The following TNKS variants were observed in gnomAD, a reference collection of about 807,000 sequenced individuals.
The protein encoded by TNKS is poly [ADP-ribose] polymerase tankyrase-1.
Under a neutral mutation model 135.8 loss-of-function variants are expected in TNKS, and 72 were observed. The observed-to-expected ratio is 0.53, with a 90% confidence interval of 0.44 to 0.64. TNKS has a LOEUF of 0.64. Ranked by LOEUF, TNKS falls within the 30% of genes least tolerant of loss-of-function variation. The probability of loss-of-function intolerance (pLI) is 0.00; values close to 1 mark genes in which losing one functional copy is unlikely to be tolerated. For missense variants in TNKS, 1,769 were observed against 1,674.0 expected, an observed-to-expected ratio of 1.06 and a Z score of -0.99; for synonymous variants, 849 against 649.3, an observed-to-expected ratio of 1.31 and a Z score of -4.68.
rs370482484 is a variant in TNKS at position 9,564,536 on chromosome 8, C to G, written c.673+7924C>G. Among the ~76,000 whole-genome samples, 7 of 152,200 alleles carry G rather than the reference C, an allele frequency of 4.6e-5. No homozygotes were observed. The East Asian group carries it at 7.7e-4, about 17-fold the overall frequency. Reference sequence around the variant, plus strand: ...GGAGAAAACACTATAGTAGTTTAGTCTTTAATATTTTTAACAGCCTCCTTT... The same window carrying G: ...GGAGAAAACACTATAGTAGTTTAGTGTTTAATATTTTTAACAGCCTCCTTT... On this transcript the variant is annotated intron_variant, in intron 1 of 26. Transcript: ENST00000310430.
intron 1 of TNKS, among the ~76,000 whole-genome samples, chr8:9,573,282 A>G (rs947839667): frequency 2.6e-5 from 4 of 152,250 alleles, no homozygotes; most frequent in Non-Finnish European, 4.4e-5. Context: ...GGTTCAGAGT[A>G]ATTCCAGGGC....
chr8:9,692,217 C>A (rs1416520378), intron 5 of TNKS, among the ~76,000 whole-genome samples: 1 of 152,166 alleles, frequency 6.6e-6, no homozygotes, highest in Non-Finnish European at 1.5e-5. Context: ...CTCAAGCAGT[C>A]CCCGGTGCCT....
intron 20 of TNKS, among the ~76,000 whole-genome samples, chr8:9,756,061 G>C (rs539041033): frequency 6.6e-6 from 1 of 152,194 alleles, no homozygotes; most frequent in South Asian, 2.1e-4. Flanking sequence ...TTTTATATGG[G>C]AAAGACAGAT....
chr8:9,727,360 C>G (rs987528319), intron 13 of TNKS, among the ~76,000 whole-genome samples: 2 of 152,078 alleles, frequency 1.3e-5, no homozygotes, highest in Admixed American at 1.3e-4. Flanking sequence ...ACACACATTT[C>G]CCATCTATAA....
intron 17 of TNKS, among the ~76,000 whole-genome samples, chr8:9,740,054 A>T (rs1805852130): frequency 1.9e-5 from 1 of 53,310 alleles, no homozygotes; most frequent in Admixed American, 2.2e-4. Flanking sequence ...TTAGAGTATA[A>T]TAAAAAAAAA....
chr8:9,775,565 T>C (rs1808189503), intron 26 of TNKS, among the ~76,000 whole-genome samples: 1 of 146,954 alleles, frequency 6.8e-6, no homozygotes, highest in African/African-American at 2.5e-5. Context: ...TGAGAGCTTT[T>C]AGGAGGGAGT....
rs146118607 is a variant in TNKS, at chr8:9,556,178, C to T, written c.239C>T (p.Ser80Phe). The T allele has an allele frequency of 1.4e-4, 228 of 1,612,648 alleles. No homozygotes were observed. Among genetic ancestry groups the T allele is most frequent in the Non-Finnish European group, 1.6e-4 (189 of 1,179,222 alleles). The change falls in exon 1 of 27, where the codon TCC (serine) becomes TTC (phenylalanine). Residue 80 changes from serine (S) to phenylalanine (F), a missense_variant. Transcript: ENST00000310430. ...CGGGATCCGCCCGACAGGCCCCGAT[C>T]CCCGGACCCGGTTGACGGTACCAGC... ...GSRDPPDRPR[S>F]PDPVDGTSCC...
intron 3 of TNKS, among the ~76,000 whole-genome samples, chr8:9,616,567 A>C (rs1447833275): frequency 1.3e-5 from 2 of 152,190 alleles, no homozygotes; most frequent in African/African-American, 2.4e-5. Context: ...TTAAGTTTAG[A>C]GTCCATGGTG....
intron 3 of TNKS, among the ~76,000 whole-genome samples, chr8:9,661,780 C>G (rs1256653186): frequency 6.6e-6 from 1 of 152,094 alleles, no homozygotes; most frequent in Non-Finnish European, 1.5e-5. Flanking sequence ...AAGAAACTAC[C>G]ATCAGAGTGA....
chr8:9,557,019 G>T (rs1815347939), intron 1 of TNKS: 2 of 281,750 alleles, frequency 7.1e-6, no homozygotes, highest in Non-Finnish European at 1.3e-5. Context: ...ACCAAAAGAG[G>T]TTTAATACAA....
chr8:9,609,659 T>G (rs766924233), intron 2 of TNKS, among the ~76,000 whole-genome samples: 1 of 152,202 alleles, frequency 6.6e-6, no homozygotes, highest in African/African-American at 2.4e-5. Flanking sequence ...ACTGTCTTGT[T>G]AGCTCATAGA....
At chr8:9,767,852 G>T (rs150144361) in intron 25 of TNKS, among the ~76,000 whole-genome samples, 1 of 151,746 alleles carries the variant, frequency 6.6e-6, no homozygotes, top group African/African-American at 2.4e-5. Context: ...CAAGCTACTC[G>T]GGAGGCTGAG....
chr8:9,708,295 A>T, intron 8 of TNKS, 76 bp from the exon 9 acceptor site: 2 of 1,214,648 alleles, frequency 1.6e-6, no homozygotes, highest in Non-Finnish European at 2.2e-6. Flanking sequence ...TAATATTCCT[A>T]CTTATTTATA....
At position 9,726,701 on chromosome 8, in the gene TNKS, G is replaced by A; in HGVS notation, c.1982G>A (p.Gly661Glu). 6.2e-7 allele frequency: 1 copy of A among 1,613,346 alleles called. No individual in the cohort carries two copies. Among genetic ancestry groups the A allele is most frequent in the Non-Finnish European group, 8.5e-7 (1 of 1,179,762 alleles). ...DYRLLEASKA[G>E]DLETVKQLCS... ...CGACTCTTAGAGGCATCTAAAGCTG[G>A]AGACTTGGAAACTGTGAAGGTAAGT... Residue 661 changes from glycine to glutamate, a missense_variant, in exon 13 of 27, where the codon GGA becomes GAA. By Grantham distance (98) the Gly-to-Glu change is moderately conservative. Around this residue, in one of 5 missense-constraint regions of TNKS, gnomAD observed 523 missense variants for 541.0 expected, o/e 0.97. Transcript: ENST00000310430.
At position 9,674,575 on chromosome 8, in the gene TNKS, A is replaced by G. The variant is rs557929707; in HGVS notation, c.995-5376A>G. On this transcript the variant is annotated intron_variant, in intron 3 of 26. Transcript: ENST00000310430. The stretch of plus-strand genomic sequence containing the variant: ...GAATGGTCTCTCTGCAATGTTCAGT[A>G]TAGAGGTACTAGCTAGTTACCTGTG... Among the ~76,000 whole-genome samples, 54 of 152,228 alleles carry G rather than the reference A, an allele frequency of 3.5e-4. 1 individual carries two copies. The highest frequency in any genetic ancestry group is 6.5e-4 in the Non-Finnish European group (44 of 68,036).
chr8:9,675,305 C>G (rs1282135969), intron 3 of TNKS, among the ~76,000 whole-genome samples: 3 of 152,146 alleles, frequency 2.0e-5, no homozygotes, highest in Non-Finnish European at 4.4e-5. Flanking sequence ...TCTTAATTTG[C>G]TGGTACCTTG....
At chr8:9,698,393 C>CAAAAAAAAAAAA (rs1803628826) in intron 5 of TNKS, among the ~76,000 whole-genome samples, 1 of 41,248 alleles carries the variant, frequency 2.4e-5, no homozygotes, top group African/African-American at 8.6e-5. Flanking sequence ...AAAAAAAAAG[C>CAAAAAAAAAAAA]TTAAGTATAT....
At chr8:9,751,486 C>G (rs1382374487) in intron 18 of TNKS, 123 bp from the exon 19 acceptor site, 2 of 772,514 alleles carry the variant, frequency 2.6e-6, no homozygotes, top group Non-Finnish European at 4.2e-6. Flanking sequence ...TGATCAAAAA[C>G]CAGTAGGTGA....
At chr8:9,633,301 A>G (rs556466519) in intron 3 of TNKS, among the ~76,000 whole-genome samples, 55 of 152,182 alleles carry the variant, frequency 3.6e-4, no homozygotes, top group Non-Finnish European at 6.6e-4. Flanking sequence ...TAATTGCAAA[A>G]TATTGGAGCC....
Sources: gnomAD v4.1 joint callset for allele counts (sites outside exome capture counted in the v4.1 genomes callset) on GRCh38, gnomAD v4.1.1 for gene constraint, gnomAD v4.1.1 regional missense constraint, MANE v1.5 for transcripts, NCBI Gene and HGNC (gene_info 2026-07-23, HGNC 2026-07-21) for gene names.